The following TTF1 variants were observed in gnomAD, a reference collection of about 807,000 sequenced individuals.
The protein encoded by TTF1 is transcription termination factor, RNA polymerase I.
A neutral mutation model predicts 80.2 loss-of-function variants in TTF1; 64 were observed. The observed-to-expected ratio is 0.80, with a 90% CI of 0.65 to 0.98. The LOEUF is 0.98. TTF1 is among the 50% of genes least tolerant of loss of function. The pLI, the probability that TTF1 is intolerant of heterozygous loss-of-function variation, is 0.00. For synonymous variants in TTF1, 372 were observed against 382.7 expected (o/e 0.97, Z 0.33); for missense variants, 1,023 against 1,086.2 (o/e 0.94, Z 0.82).
Position 132,388,232 on chromosome 9 carries a change from C to T in TTF1, c.2223-4G>A. Reference sequence around the variant, plus strand: ...CCTCTTGGTTAGAATTTCTGTCCTACATTAAAAGGAAGAAAAACATAGTTT... The same window carrying T: ...CCTCTTGGTTAGAATTTCTGTCCTATATTAAAAGGAAGAAAAACATAGTTT... On this transcript the variant is annotated splice_region_variant and splice_polypyrimidine_tract_variant and intron_variant, in intron 7 of 10. Coordinates refer to ENST00000334270, the MANE Select transcript of TTF1 (RefSeq NM_007344.4). 1.3e-6 allele frequency: 2 copies of T among 1,589,746 alleles called. No homozygotes were observed. Among genetic ancestry groups the T allele is most frequent in the Non-Finnish European group, 1.7e-6 (2 of 1,162,082 alleles).
rs1389628545 is a variant in TTF1 at position 132,402,282 on chromosome 9, G to A, written c.540C>T (p.Ser180=). 4 of 1,613,892 alleles carry A rather than the reference G, an allele frequency of 2.5e-6. No homozygotes were observed. The highest frequency in any genetic ancestry group is 3.4e-6 in the Non-Finnish European group (4 of 1,179,976). ...KHQRKAASWE[S]QRARDTLPQS... ...GAGGCAGGGTGTCCCTTGCCCGCTG[G>A]CTCTCCCAGGATGCAGCTTTCCTCT... Residue 180 remains serine (S), a synonymous_variant, in exon 2 of 11, where the codon AGC becomes AGT. Coordinates refer to ENST00000334270, the MANE Select transcript of TTF1 (RefSeq NM_007344.4).
intron 7 of TTF1, among the ~76,000 whole-genome samples, chr9:132,389,669 A>G (rs1849527166): frequency 6.6e-6 from 1 of 152,170 alleles, no homozygotes; most frequent in Non-Finnish European, 1.5e-5. Context: ...AGAGCCACTG[A>G]GTGCCCTTCA....
At position 132,390,579 on chromosome 9, in the gene TTF1, A is replaced by G. The variant is rs757810971; in HGVS notation, c.2222+18T>C. On this transcript the variant is annotated intron_variant, in intron 7 of 10. Coordinates refer to ENST00000334270, the MANE Select transcript of TTF1 (RefSeq NM_007344.4). The stretch of plus-strand genomic sequence containing the variant: ...ACAGAAGCTGGAGAGACAGAGAAAG[A>G]GAGAGGGAAGAACTTACCACTTACT... 3.1e-6 allele frequency: 5 copies of G among 1,608,314 alleles called. No homozygotes were observed. The Admixed American group carries it at 8.3e-5, about 27-fold the overall frequency.
intron 1 of TTF1, among the ~76,000 whole-genome samples, chr9:132,403,698 C>G (rs1370309502): frequency 6.6e-6 from 1 of 151,876 alleles, no homozygotes; most frequent in African/African-American, 2.4e-5. Flanking sequence ...AAAAAGAAAA[C>G]AAGGAAGAAA....
In TTF1 at chr9:132,400,071, C is replaced by G; in HGVS notation, c.1555G>C (p.Asp519His). 1 of 1,614,196 alleles carries G rather than the reference C, an allele frequency of 6.2e-7. No homozygotes were observed. Among genetic ancestry groups the G allele is most frequent in the Non-Finnish European group, 8.5e-7 (1 of 1,180,046 alleles). The change falls in exon 3 of 11, where the codon GAC becomes CAC. Residue 519 changes from aspartate to histidine, a missense_variant. By Grantham distance (81) the Asp-to-His change is moderately conservative (BLOSUM62 -1). Transcript: ENST00000334270. Reference sequence around the variant, plus strand: ...AATTCCTTAAACCGTTCCAAGTCGTCCCGGTACATCCGCTTGATTGTGCTG... The same window carrying G: ...AATTCCTTAAACCGTTCCAAGTCGTGCCGGTACATCCGCTTGATTGTGCTG... ...ATSTIKRMYRDDLERFKEFKA... is the reference protein window; with the variant it reads ...ATSTIKRMYRHDLERFKEFKA...
chr9:132,378,853 C>T (rs1436351586), intron 10 of TTF1, among the ~76,000 whole-genome samples: 4 of 151,912 alleles, frequency 2.6e-5, no homozygotes, highest in Non-Finnish European at 4.4e-5. Context: ...TGTCAAGCAC[C>T]GGGATGACCA....
intron 6 of TTF1, 65 bp downstream of exon 6, chr9:132,392,011 T>C: frequency 6.2e-7 from 1 of 1,607,544 alleles, no homozygotes; most frequent in Non-Finnish European, 8.5e-7. Flanking sequence ...GGATCGGTTA[T>C]GGCTGAACCA....
chr9:132,394,158 C>T (rs1589823123), intron 5 of TTF1, among the ~76,000 whole-genome samples: 1 of 152,216 alleles, frequency 6.6e-6, no homozygotes, highest in Admixed American at 6.5e-5. Flanking sequence ...GCCTCAGCCT[C>T]CCAAAGTGCT....
intron 10 of TTF1, among the ~76,000 whole-genome samples, chr9:132,378,429 G>GGT (rs1253953315): frequency 1.5e-5 from 1 of 67,832 alleles, no homozygotes; most frequent in African/African-American, 7.8e-5. Flanking sequence ...GAGTGCATGT[G>GGT]GTGTGTGAAT....
chr9:132,392,503 C>G (rs970079808), intron 5 of TTF1, among the ~76,000 whole-genome samples: 3 of 152,208 alleles, frequency 2.0e-5, no homozygotes, highest in Non-Finnish European at 4.4e-5. Context: ...TCCACCCGAC[C>G]TGGACAGTGC....
In TTF1 at chr9:132,398,139, A is replaced by T; in HGVS notation, c.1777+2T>A. 1 of 1,574,190 alleles carries T rather than the reference A, an allele frequency of 6.4e-7. No individual in the cohort carries two copies. ...TCAAAGGGTGATTGTTTCTAAACTT[A>T]CCAATGTGTAATCTAAACGAGTATC... On this transcript the variant is annotated splice_donor_variant, in intron 4 of 10. Transcript: ENST00000334270. LOFTEE classifies it high-confidence loss of function.
chr9:132,406,188 C>T (rs1437230938), intron 1 of TTF1, among the ~76,000 whole-genome samples: 2 of 152,196 alleles, frequency 1.3e-5, no homozygotes, highest in African/African-American at 4.8e-5. Flanking sequence ...AACCTGGTCC[C>T]GGATTCTCTC....
chr9:132,377,361 G>A (rs533920007), intron 10 of TTF1, among the ~76,000 whole-genome samples: 1 of 146,926 alleles, frequency 6.8e-6, no homozygotes, highest in Non-Finnish European at 1.5e-5. Context: ...TGTGGTGTGT[G>A]TGAGTGCATG....
chr9:132,388,189 A>G lies in TTF1; in HGVS notation c.2262T>C (p.Arg754=). ...ILTKRMTNGR[R]IYYGMNALRA... ...GCAGGGCATTCATGCCATAGTAGAT[A>G]CGCCGACCATTAGTCATCCTCTTGG... Residue 754 remains arginine (R), a synonymous_variant, in exon 8 of 11, where the codon CGT becomes CGC. Transcript: ENST00000334270. The G allele has an allele frequency of 1.9e-6, 3 of 1,611,894 alleles. No homozygotes were observed. Among genetic ancestry groups the G allele is most frequent in the Non-Finnish European group, 2.5e-6 (3 of 1,178,610 alleles).
intron 9 of TTF1, among the ~76,000 whole-genome samples, chr9:132,380,912 T>A (rs1849361186): frequency 4.6e-5 from 7 of 152,078 alleles, no homozygotes; most frequent in Admixed American, 4.6e-4. Flanking sequence ...TATTTATTTT[T>A]ATTTAATTTA....
At chr9:132,390,924 A>G in intron 6 of TTF1, 93 bp from the exon 7 acceptor site, 7 of 1,161,596 alleles carry the variant, frequency 6.0e-6, no homozygotes, top group Non-Finnish European at 8.6e-6. Context: ...TACTTTTCAG[A>G]AAATAATGTG....
chr9:132,394,908 A>ATTG lies in TTF1; in HGVS notation c.1856+1522_1856+1524dup, dbSNP rs35592920. Among the ~76,000 whole-genome samples the ATTG allele has an allele frequency of 9.6e-3, 1,415 of 147,220 alleles. 27 individuals are homozygous for ATTG. Among genetic ancestry groups the ATTG allele is most frequent in the African/African-American group, 0.034 (1,354 of 39,724 alleles). ...ACCCTGTTCCAAAAAAAAAAAAAAAATTGCCAGGCACGGTGTCTCACCCCT... is the reference window on the plus strand; with the variant it reads ...ACCCTGTTCCAAAAAAAAAAAAAAAATTGTTGCCAGGCACGGTGTCTCACCCCT... On this transcript the variant is annotated intron_variant, in intron 5 of 10. Transcript: ENST00000334270.
chr9:132,400,542 C>T (rs558913106), intron 2 of TTF1, among the ~76,000 whole-genome samples: 4 of 152,052 alleles, frequency 2.6e-5, no homozygotes, highest in African/African-American at 4.8e-5. Context: ...AGGCTGGTCT[C>T]GAACTCCTGG....
intron 5 of TTF1, among the ~76,000 whole-genome samples, chr9:132,394,144 G>A (rs958880538): frequency 7.2e-5 from 11 of 151,792 alleles, no homozygotes; most frequent in African/African-American, 1.2e-4. Flanking sequence ...CCAGTGATCC[G>A]CCTGCCTCAG....
Sources: gnomAD v4.1 joint callset for allele counts (sites outside exome capture counted in the v4.1 genomes callset) on GRCh38, gnomAD v4.1.1 for gene constraint, MANE v1.5 for transcripts, NCBI Gene and HGNC (gene_info 2026-07-23, HGNC 2026-07-21) for gene names.